The following CTTN variants were observed in gnomAD, a reference collection of about 807,000 sequenced individuals.
CTTN encodes the protein cortactin, also known as src substrate cortactin.
A neutral mutation model predicts 84.0 loss-of-function variants in CTTN; 28 were observed. That is an observed-to-expected ratio of 0.33 (90% CI 0.25 to 0.46). The LOEUF is 0.46. Ranked by LOEUF, CTTN falls within the 20% of genes least tolerant of loss-of-function variation. The probability of loss-of-function intolerance (pLI) is 1.00; values close to 1 mark genes in which losing one functional copy is unlikely to be tolerated. For synonymous variants in CTTN, 301 were observed against 288.8 expected (o/e 1.04, Z -0.43); for missense variants, 641 against 723.8 (o/e 0.89, Z 1.31).
chr11:70,409,719 C>A, intron 4 of CTTN, 112 bp from the exon 5 acceptor site: 1 of 1,210,886 alleles, frequency 8.3e-7, no homozygotes, highest in Non-Finnish European at 1.2e-6. Flanking sequence ...ATCAGATAAG[C>A]AGATTTACAA....
Position 70,419,840 on chromosome 11 carries a change from G to A in CTTN, c.663G>A (p.Lys221=), listed in dbSNP as rs1341280538. Residue 221 remains lysine, a synonymous_variant, in exon 9 of 18, where the codon AAG becomes AAA. Coordinates refer to ENST00000301843, the MANE Select transcript of CTTN (RefSeq NM_005231.4). ...VGFEYQGKTE[K]HESQKDYVKG... ...TTGAGTATCAAGGCAAAACGGAGAA[G>A]CACGAGTCCCAGAAAGGTGTCTTCC... is the stretch of plus-strand genomic sequence containing the variant. The A allele has an allele frequency of 6.2e-7, 1 of 1,613,410 alleles. No individual in the cohort carries two copies. The highest frequency in any genetic ancestry group is 1.7e-5 in the Admixed American group (1 of 59,816).
chr11:70,429,036 C>A lies in CTTN; in HGVS notation c.1028-15C>A. The stretch of plus-strand genomic sequence containing the variant: ...GCTGTGCTCAAGGCACACGTCCTCC[C>A]TCCTTCCTCTATAGTGACCAGCAAA... On this transcript the variant is annotated splice_polypyrimidine_tract_variant and intron_variant, in intron 13 of 17. Transcript: ENST00000301843. 6.2e-7 allele frequency: 1 copy of A among 1,613,964 alleles called. No individual in the cohort carries two copies. The highest frequency in any genetic ancestry group is 8.5e-7 in the Non-Finnish European group (1 of 1,179,884).
At position 70,435,704 on chromosome 11, in the gene CTTN, G is replaced by A. The variant is rs1295865996; in HGVS notation, c.*542G>A. 6.3e-7 allele frequency: 1 copy of A among 1,597,892 alleles called. No homozygotes were observed. Among genetic ancestry groups the A allele is most frequent in the Non-Finnish European group, 8.5e-7 (1 of 1,179,626 alleles). ...GCACAGGAGCTGCCATGTCAGATGG[G>A]AAATCTGCCTATGTCATACCGTGAC... On this transcript the variant is annotated 3_prime_UTR_variant, in exon 18 of 18. Coordinates refer to ENST00000301843, the MANE Select transcript of CTTN (RefSeq NM_005231.4).
chr11:70,410,890 G>A (rs542343913), intron 5 of CTTN, among the ~76,000 whole-genome samples: 41 of 152,182 alleles, frequency 2.7e-4, no homozygotes, highest in Non-Finnish European at 5.1e-4. Context: ...ACGGGATGAT[G>A]TTGCCGTGTC....
At chr11:70,401,334 G>C (rs1291439289) in intron 1 of CTTN, among the ~76,000 whole-genome samples, 3 of 151,960 alleles carry the variant, frequency 2.0e-5, no homozygotes, top group African/African-American at 7.3e-5. Context: ...AAATTAGCCG[G>C]GCGTGGTGGT....
At chr11:70,404,621 G>T (rs917610700) in intron 1 of CTTN, among the ~76,000 whole-genome samples, 1 of 152,178 alleles carries the variant, frequency 6.6e-6, no homozygotes, top group Admixed American at 6.5e-5. Context: ...TAATTAGAAT[G>T]AATAAAAAGT....
rs190653867 is a variant in CTTN, at chr11:70,408,188, T to C, written c.161+597T>C. 6.8e-4 allele frequency: 103 copies of C among 152,366 alleles called. 1 individual carries two copies. The highest frequency in any genetic ancestry group is 6.1e-3 in the Admixed American group (93 of 15,296). 9.4% of individuals were successfully genotyped at this position (152,366 alleles called of 1,614,324 possible). A position where few individuals can be genotyped will look rare whatever the true frequency, so the allele number is the denominator to read the frequency against. On this transcript the variant is annotated intron_variant, in intron 4 of 17. Transcript: ENST00000301843. ...GAACTTTTAAAATATGCTCAGACTT[T>C]TATTTTAGGCCACGCTGGGTTCAGA... is the stretch of plus-strand genomic sequence containing the variant.
intron 14 of CTTN, among the ~76,000 whole-genome samples, chr11:70,430,768 G>A (rs1262605654): frequency 2.0e-5 from 3 of 152,224 alleles, no homozygotes; most frequent in Non-Finnish European, 2.9e-5. Flanking sequence ...CATCAACTCA[G>A]ACTCCCAAAT....
intron 17 of CTTN, among the ~76,000 whole-genome samples, chr11:70,434,071 G>A (rs544846936): frequency 6.6e-6 from 1 of 152,238 alleles, no homozygotes; most frequent in Non-Finnish European, 1.5e-5. Context: ...CCGCACAGAT[G>A]CCTTGATGTT....
chr11:70,433,350 C>T (rs1032119391), intron 16 of CTTN, 72 bp downstream of exon 16: 7 of 1,454,142 alleles, frequency 4.8e-6, no homozygotes, highest in African/African-American at 1.4e-5. Flanking sequence ...CGACCTGTGG[C>T]GTCGTTGCGA....
At chr11:70,399,292 TTCGAGGGGAAGGGG>T (rs942333112) in intron 1 of CTTN, among the ~76,000 whole-genome samples, 1 of 127,180 alleles carries the variant, frequency 7.9e-6, no homozygotes, top group Non-Finnish European at 1.7e-5. Flanking sequence ...GGAATTGGGG[TTCGAGGGGAAGGGG>T]TCGGGGCTCG....
At chr11:70,422,361 T>A in intron 11 of CTTN, 1 of 485,324 alleles carries the variant, frequency 2.1e-6, no homozygotes, top group Non-Finnish European at 3.7e-6. Context: ...ACACCTGGGG[T>A]GGTCCCGCAG....
intron 2 of CTTN, 133 bp from the exon 3 acceptor site, chr11:70,407,165 G>A (rs2058048454): frequency 1.5e-6 from 1 of 666,472 alleles, no homozygotes; most frequent in Admixed American, 2.8e-5. Context: ...GGATCATGAA[G>A]GATTGGCTGG....
rs1427562763 is a variant in CTTN at position 70,405,273 on chromosome 11, A to G, written c.-89A>G. On this transcript the variant is annotated 5_prime_UTR_variant, in exon 2 of 18. Coordinates refer to ENST00000301843, the MANE Select transcript of CTTN (RefSeq NM_005231.4). Reference sequence around the variant, plus strand: ...CCTTAATCTTTTTACAGACGGAATCAGTCCCCAATGCCTGGAAATTCCTCA... The same window carrying G: ...CCTTAATCTTTTTACAGACGGAATCGGTCCCCAATGCCTGGAAATTCCTCA... The G allele has an allele frequency of 6.6e-6, 1 of 152,208 alleles. No homozygotes were observed. Among genetic ancestry groups the G allele is most frequent in the Non-Finnish European group, 1.5e-5 (1 of 68,040 alleles). The allele number at this position is 152,208 out of a possible 1,614,324, so 9.4% of individuals were successfully genotyped here.
At chr11:70,410,945 TG>T (rs2058090254) in intron 5 of CTTN, among the ~76,000 whole-genome samples, 1 of 151,926 alleles carries the variant, frequency 6.6e-6, no homozygotes, top group Non-Finnish European at 1.5e-5. Flanking sequence ...GTAGATGATG[TG>T]GTGGGCCGGC....
chr11:70,435,073 A>G lies in CTTN; in HGVS notation c.1564A>G (p.Ile522Val), dbSNP rs780351761. The G allele has an allele frequency of 1.2e-6, 2 of 1,614,002 alleles. No individual in the cohort carries two copies. The highest frequency in any genetic ancestry group is 4.5e-5 in the East Asian group (2 of 44,856). The part of the protein sequence containing the change: ...SFDPDDIITN[I>V]EMIDDGWWRG... ...TGACCCTGATGACATCATCACCAAC[A>G]TCGAGATGATTGACGACGGCTGGTG... is the stretch of plus-strand genomic sequence containing the variant. Residue 522 changes from isoleucine to valine, a missense_variant, in exon 18 of 18, where the codon ATC becomes GTC. By Grantham distance (29) the Ile-to-Val change is conservative (BLOSUM62 3). Around this residue, in one of 3 missense-constraint regions of CTTN, gnomAD observed 68 missense variants for 102.2 expected, o/e 0.67. Transcript: ENST00000301843.
chr11:70,429,165 G>C lies in CTTN; in HGVS notation c.1142G>C (p.Arg381Pro), dbSNP rs774764325. ...AERAQRMAKE[R>P]QEQEEARRKL... is the part of the protein sequence containing the mutation. ...AGAGCCCAGCGGATGGCCAAGGAGCGGCAGGAGCAGGAAGAGGCCAGGAGG... is the reference window on the plus strand; with the variant it reads ...AGAGCCCAGCGGATGGCCAAGGAGCCGCAGGAGCAGGAAGAGGCCAGGAGG... Residue 381 changes from arginine to proline, a missense_variant, in exon 14 of 18, where the codon CGG (arginine) becomes CCG (proline). Physicochemically the swap from Arg to Pro is moderately radical, Grantham distance 103. This residue lies in a region of CTTN where 289 missense variants were observed against 273.1 expected (regional missense o/e 1.06). Coordinates refer to ENST00000301843, the MANE Select transcript of CTTN (RefSeq NM_005231.4). The C allele has an allele frequency of 6.2e-7, 1 of 1,613,652 alleles. No individual in the cohort carries two copies. The highest frequency in any genetic ancestry group is 1.7e-5 in the Admixed American group (1 of 60,032).
chr11:70,432,698 AGGAGGGTGGCC>A (rs1284751770), intron 15 of CTTN, among the ~76,000 whole-genome samples: 1 of 152,266 alleles, frequency 6.6e-6, no homozygotes, highest in Non-Finnish European at 1.5e-5. Context: ...CAGCACAGGC[AGGAGGGTGGCC>A]GCTCGGCCCA....
chr11:70,426,669 G>A (rs1368722347), intron 13 of CTTN, among the ~76,000 whole-genome samples: 2 of 150,870 alleles, frequency 1.3e-5, no homozygotes, highest in Non-Finnish European at 1.5e-5. Flanking sequence ...TGCAAGCTCC[G>A]CCTCCCATCC....
Sources: gnomAD v4.1 joint callset for allele counts (sites outside exome capture counted in the v4.1 genomes callset) on GRCh38, gnomAD v4.1.1 for gene constraint, gnomAD v4.1.1 regional missense constraint, MANE v1.5 for transcripts, NCBI Gene and HGNC (gene_info 2026-07-23, HGNC 2026-07-21) for gene names.